DUSP13B: variants seen among roughly 807,000 people sequenced by gnomAD.
DUSP13B encodes dual specificity protein phosphatase 13B.
At chr10:75,098,777 C>T in the DUSP13B span, among the ~76,000 whole-genome samples, 1 of 152,262 alleles carries the variant, frequency 6.6e-6, no homozygotes, top group South Asian at 2.1e-4. Context: ...CAACAAAAAG[C>T]CTGATGTCTC....
At chr10:75,108,298 A>C in the DUSP13B span, 98 of 1,503,590 alleles carry the variant, frequency 6.5e-5, 1 homozygote, top group South Asian at 1.2e-3. Flanking sequence ...AGAGGGACCG[A>C]GCCATTAGGG....
At chr10:75,108,297 G>GCT in the DUSP13B span, 98 of 1,503,040 alleles carry the variant, frequency 6.5e-5, 1 homozygote, top group South Asian at 1.2e-3. Context: ...CAGAGGGACC[G>GCT]AGCCATTAGG....
the DUSP13B span, chr10:75,094,463 A>G: frequency 1.7e-6 from 1 of 583,742 alleles, no homozygotes; most frequent in Non-Finnish European, 3.0e-6. Context: ...TTTATTATAG[A>G]GATGGACTGA....
chr10:75,105,279 C>T, the DUSP13B span, among the ~76,000 whole-genome samples: 1 of 152,148 alleles, frequency 6.6e-6, no homozygotes, highest in African/African-American at 2.4e-5. Context: ...AGGGGAGCCC[C>T]CACAGGCTTT....
chr10:75,105,007 G>A, the DUSP13B span, among the ~76,000 whole-genome samples: 2 of 152,146 alleles, frequency 1.3e-5, no homozygotes, highest in African/African-American at 2.4e-5. Flanking sequence ...ATGGCAGCCC[G>A]TCTGTGGCAT....
chr10:75,095,581 G>A, the DUSP13B span: 2 of 1,613,834 alleles, frequency 1.2e-6, no homozygotes, highest in South Asian at 1.1e-5. Context: ...GCACCTTGGG[G>A]AACACTGAGG....
the DUSP13B span, chr10:75,107,864 A>T: frequency 5.1e-6 from 6 of 1,168,228 alleles, no homozygotes; most frequent in Non-Finnish European, 7.2e-6. Context: ...AGCATGAGCC[A>T]CCACACACGG....
the DUSP13B span, among the ~76,000 whole-genome samples, chr10:75,098,302 A>G: frequency 2.0e-5 from 3 of 152,174 alleles, no homozygotes; most frequent in African/African-American, 4.8e-5. Flanking sequence ...TAAGCAGCTC[A>G]TCTCAAGCCC....
the DUSP13B span, among the ~76,000 whole-genome samples, chr10:75,102,883 T>G: frequency 0.014 from 2,118 of 151,414 alleles, 50 homozygotes; most frequent in African/African-American, 0.048. Flanking sequence ...ACCCGGGAGG[T>G]GGGGGTTGTA....
chr10:75,097,249 T>A, the DUSP13B span, among the ~76,000 whole-genome samples: 2 of 152,050 alleles, frequency 1.3e-5, no homozygotes, highest in Non-Finnish European at 2.9e-5. Context: ...GCTCTTATTG[T>A]CCAGGCTGGA....
the DUSP13B span, among the ~76,000 whole-genome samples, chr10:75,100,570 G>C: frequency 6.6e-6 from 1 of 152,266 alleles, no homozygotes; most frequent in South Asian, 2.1e-4. Flanking sequence ...TCCCCAGCTG[G>C]GTGAAGCACA....
chr10:75,097,354 G>A, the DUSP13B span, among the ~76,000 whole-genome samples: 940 of 152,190 alleles, frequency 6.2e-3, 6 homozygotes, highest in Non-Finnish European at 1.0e-2. Flanking sequence ...GATTGCAGGC[G>A]TCCACCACCA....
chr10:75,105,705 C>T, the DUSP13B span: 9 of 1,551,966 alleles, frequency 5.8e-6, no homozygotes, highest in Admixed American at 1.9e-5. Context: ...GCTGGTCCAG[C>T]CTGCAGAGCT....
chr10:75,108,860 C>T, the DUSP13B span: 4 of 1,056,292 alleles, frequency 3.8e-6, no homozygotes, highest in Non-Finnish European at 5.2e-6. Flanking sequence ...GACCTCAGCA[C>T]CCCCGGGGGT....
the DUSP13B span, chr10:75,103,911 A>C: frequency 7.6e-7 from 1 of 1,312,542 alleles, no homozygotes; most frequent in South Asian, 1.2e-5. Flanking sequence ...GACTGAAGAC[A>C]GTGGCTGAGA....
chr10:75,095,791 C>T, the DUSP13B span: 11 of 1,613,860 alleles, frequency 6.8e-6, no homozygotes, highest in East Asian at 2.2e-5. Flanking sequence ...TCCCGGGCTG[C>T]GTACCTGGAG....
chr10:75,108,421 C>T, the DUSP13B span: 5 of 829,102 alleles, frequency 6.0e-6, no homozygotes, highest in Non-Finnish European at 8.9e-6. Flanking sequence ...GTCGGGGGAT[C>T]TTTAGACCCT....
At chr10:75,099,478 A>G in the DUSP13B span, 1 of 1,232,194 alleles carries the variant, frequency 8.1e-7, no homozygotes, top group Non-Finnish European at 1.0e-6. Context: ...CAGGGGCAGG[A>G]CTCTGCCTGA....
chr10:75,094,626 C>G, the DUSP13B span: 1 of 1,596,412 alleles, frequency 6.3e-7, no homozygotes, highest in East Asian at 2.2e-5. Context: ...TTCCCAGGGC[C>G]AGGCTGGTGG....
Sources: gnomAD v4.1 joint callset for allele counts (sites outside exome capture counted in the v4.1 genomes callset) on GRCh38, gnomAD v4.1.1 for gene constraint, MANE v1.5 for transcripts, NCBI Gene and HGNC (gene_info 2026-07-23, HGNC 2026-07-21) for gene names.